RUFY1: variants seen among roughly 807,000 people sequenced by gnomAD.
RUFY1 encodes the protein RUN and FYVE domain containing 1, also known as RUN and FYVE domain-containing protein 1.
RUFY1 carries 54 observed loss-of-function variants against 94.6 expected under a neutral mutation model. That is an observed-to-expected ratio of 0.57 (90% confidence interval 0.46 to 0.72). The LOEUF (loss-of-function observed/expected upper bound fraction) is 0.72, where lower values mean the gene tolerates loss of function less well. RUFY1 is among the 30% of genes least tolerant of loss of function. The pLI is 0.00. For synonymous variants in RUFY1, 396 were observed against 347.3 expected, an observed-to-expected ratio of 1.14 and a Z score of -1.56; for missense variants, 883 against 883.9, an observed-to-expected ratio of 1.00 and a Z score of 0.01.
At position 179,573,894 on chromosome 5, in the gene RUFY1, C is replaced by G. The variant is rs780875145; in HGVS notation, c.829-3181C>G. ...TTTTTTGGATCTATCAACATGTCAA[C>G]CTGCTTTTAACCCATAAATATAATT... On this transcript the variant is annotated intron_variant, in intron 5 of 17. Transcript: ENST00000319449. 2.0e-5 allele frequency among the ~76,000 whole-genome samples: 3 copies of G among 152,012 alleles called. No homozygotes were observed. The East Asian group carries it at 5.8e-4, about 29-fold the overall frequency.
intron 13 of RUFY1, 99 bp downstream of exon 13, chr5:179,596,780 G>T (rs996823178): frequency 1.5e-5 from 11 of 748,422 alleles, no homozygotes; most frequent in Non-Finnish European, 2.1e-5. Flanking sequence ...AACGGGAGGA[G>T]GGGGGGCGGG....
chr5:179,551,653 G>C (rs1761859570), intron 1 of RUFY1, among the ~76,000 whole-genome samples: 1 of 144,212 alleles, frequency 6.9e-6, no homozygotes, highest in South Asian at 2.2e-4. Context: ...CCACCACCAC[G>C]CTCGGCTAAG....
chr5:179,583,748 T>G (rs892292086), intron 7 of RUFY1, among the ~76,000 whole-genome samples: 23 of 146,906 alleles, frequency 1.6e-4, no homozygotes, highest in Non-Finnish European at 3.5e-4. Context: ...TTTTTATTTT[T>G]TATTTTATTT....
Position 179,609,480 on chromosome 5 carries a change from C to T in RUFY1, c.2088C>T (p.His696=), listed in dbSNP as rs1562134926. The change falls in exon 18 of 18, where the codon CAC becomes CAT. Residue 696 remains histidine (H), a synonymous_variant. Coordinates refer to ENST00000319449, the MANE Select transcript of RUFY1 (RefSeq NM_025158.5). The part of the protein sequence containing the change: ...PKPVRVCDSC[H]TLLLQRCSST... ...CGGTGCGAGTGTGCGACAGCTGCCA[C>T]ACCCTGCTCCTGCAGCGCTGCTCCT... The T allele has an allele frequency of 1.9e-6, 3 of 1,611,074 alleles. No individual in the cohort carries two copies. Among genetic ancestry groups the T allele is most frequent in the South Asian group, 1.1e-5 (1 of 91,028 alleles).
intron 3 of RUFY1, among the ~76,000 whole-genome samples, chr5:179,563,144 C>T (rs1762570519): frequency 6.6e-6 from 1 of 152,180 alleles, no homozygotes; most frequent in South Asian, 2.1e-4. Flanking sequence ...AAGTCATCTT[C>T]ATGGAATTTG....
At chr5:179,575,891 C>T (rs1349078111) in intron 5 of RUFY1, among the ~76,000 whole-genome samples, 1 of 152,056 alleles carries the variant, frequency 6.6e-6, no homozygotes, top group Non-Finnish European at 1.5e-5. Flanking sequence ...AAGCAATCCT[C>T]TCACCTCAGC....
intron 15 of RUFY1, chr5:179,602,655 G>T (rs531305015): frequency 6.6e-6 from 1 of 152,250 alleles, no homozygotes; most frequent in South Asian, 2.1e-4. Flanking sequence ...GAGTCAGGGC[G>T]CATGGTTGCA....
At chr5:179,573,074 A>G (rs1172960011) in intron 5 of RUFY1, among the ~76,000 whole-genome samples, 2 of 152,142 alleles carry the variant, frequency 1.3e-5, no homozygotes, top group East Asian at 1.9e-4. Context: ...CATAATATGC[A>G]TTGGTTTATT....
chr5:179,603,775 T>A (rs1415592118), intron 15 of RUFY1: 1 of 152,298 alleles, frequency 6.6e-6, no homozygotes, highest in Non-Finnish European at 1.5e-5. Context: ...TGTATCATTG[T>A]GGCCGGGTGT....
chr5:179,556,575 A>ACTGCAACCTCCGCCTCC (rs1386294850), intron 1 of RUFY1, among the ~76,000 whole-genome samples: 2 of 151,622 alleles, frequency 1.3e-5, no homozygotes, highest in Non-Finnish European at 2.9e-5. Context: ...ATCTCGGCTC[A>ACTGCAACCTCCGCCTCC]CTGCAACCTC....
At chr5:179,592,008 C>T (rs183538612) in intron 10 of RUFY1, among the ~76,000 whole-genome samples, 6 of 152,110 alleles carry the variant, frequency 3.9e-5, no homozygotes, top group East Asian at 3.9e-4. Flanking sequence ...TGCGATGGCG[C>T]GATCTTGGCC....
intron 9 of RUFY1, 36 bp downstream of exon 9, chr5:179,589,683 T>C (rs756508765): frequency 7.1e-7 from 1 of 1,417,592 alleles, no homozygotes; most frequent in Non-Finnish European, 1.0e-6. Flanking sequence ...AGCATGTTTC[T>C]CACTCAGACA....
At chr5:179,573,442 A>C (rs903023045) in intron 5 of RUFY1, among the ~76,000 whole-genome samples, 1 of 152,160 alleles carries the variant, frequency 6.6e-6, no homozygotes, top group African/African-American at 2.4e-5. Flanking sequence ...TTTGCTGCTG[A>C]TGTCTGAGGG....
chr5:179,550,600 G>A lies in RUFY1; in HGVS notation c.31G>A (p.Gly11Arg). The A allele has an allele frequency of 7.7e-7, 1 of 1,293,350 alleles. No individual in the cohort carries two copies. The highest frequency in any genetic ancestry group is 9.7e-7 in the Non-Finnish European group (1 of 1,030,368). The allele number at this position is 1,293,350 out of a possible 1,614,324, so 80.1% of individuals were successfully genotyped here. The change falls in exon 1 of 18, where the codon GGG becomes AGG. Residue 11 changes from glycine to arginine, a missense_variant. Transcript: ENST00000319449. MADREGGCAA[G>R]RGRELEPELE... ...CGACCGGGAAGGCGGCTGCGCTGCT[G>A]GGCGGGGGCGGGAGCTGGAGCCGGA...
chr5:179,605,308 T>C (rs1480780145), intron 15 of RUFY1, among the ~76,000 whole-genome samples: 1 of 151,904 alleles, frequency 6.6e-6, no homozygotes, highest in African/African-American at 2.4e-5. Flanking sequence ...TCAGACTGTT[T>C]CCCTCAATTG....
chr5:179,583,970 G>T (rs775856809), intron 7 of RUFY1, among the ~76,000 whole-genome samples: 1 of 151,466 alleles, frequency 6.6e-6, no homozygotes, highest in East Asian at 1.9e-4. Context: ...GGATGGTCTC[G>T]ATCTCCTGAC....
At position 179,589,589 on chromosome 5, in the gene RUFY1, A is replaced by C; in HGVS notation, c.1070A>C (p.Gln357Pro). ...TDRICSLQEE[Q>P]QQLREQNELI... ...CGAATTTGCTCACTTCAAGAAGAAC[A>C]GCAGCAGTTAAGAGAACAAAATGAA... The change falls in exon 9 of 18, where the codon CAG (glutamine) becomes CCG (proline). Residue 357 changes from glutamine (Q) to proline (P), a missense_variant. Gln to Pro is a moderately conservative substitution (Grantham distance 76). Transcript: ENST00000319449. 4 of 1,614,208 alleles carry C rather than the reference A, an allele frequency of 2.5e-6. No individual in the cohort carries two copies. The highest frequency in any genetic ancestry group is 3.4e-6 in the Non-Finnish European group (4 of 1,180,018).
In RUFY1 at chr5:179,607,664, G is replaced by T. The variant is rs200067764; in HGVS notation, c.1983+5G>T. ...TTCTCCATTTCCCGGAGAAAGGTAC[G>T]TGGGGGCTCCACCCACCCTCCCAGT... On this transcript the variant is annotated splice_donor_5th_base_variant and intron_variant, in intron 17 of 17. Coordinates refer to ENST00000319449, the MANE Select transcript of RUFY1 (RefSeq NM_025158.5). 4 of 1,612,838 alleles carry T rather than the reference G, an allele frequency of 2.5e-6. No individual in the cohort carries two copies. In the South Asian group the frequency reaches 3.3e-5, roughly 13 times the overall value.
At chr5:179,558,365 A>C (rs559486834) in intron 1 of RUFY1, among the ~76,000 whole-genome samples, 1 of 152,090 alleles carries the variant, frequency 6.6e-6, no homozygotes, top group Non-Finnish European at 1.5e-5. Flanking sequence ...CTGAGGTTGG[A>C]AGTTCGAGAC....
Sources: gnomAD v4.1 joint callset for allele counts (sites outside exome capture counted in the v4.1 genomes callset) on GRCh38, gnomAD v4.1.1 for gene constraint, MANE v1.5 for transcripts, NCBI Gene and HGNC (gene_info 2026-07-23, HGNC 2026-07-21) for gene names.